The following MYO16 variants were observed in gnomAD, a reference collection of about 807,000 sequenced individuals.
MYO16 encodes myosin XVI.
MYO16 carries 94 observed loss-of-function variants against 205.3 expected under a neutral mutation model. The observed-to-expected ratio is 0.46, with a 90% CI of 0.39 to 0.54. MYO16 has a LOEUF of 0.54. Among genes scored for constraint, MYO16 ranks in the 20% least tolerant of loss-of-function variants. The pLI is 0.00. For synonymous variants in MYO16, 988 were observed against 954.0 expected (o/e 1.04, Z -0.66); for missense variants, 2,315 against 2,387.5 (o/e 0.97, Z 0.63).
chr13:108,632,294 C>A (rs1318152850), intron 1 of MYO16, among the ~76,000 whole-genome samples: 1 of 152,080 alleles, frequency 6.6e-6, no homozygotes, highest in Non-Finnish European at 1.5e-5. Context: ...ACATATCTGT[C>A]TTTCATTCTG....
chr13:108,996,379 G>A (rs1287881594), intron 21 of MYO16, among the ~76,000 whole-genome samples: 2 of 152,162 alleles, frequency 1.3e-5, no homozygotes, highest in Non-Finnish European at 2.9e-5. Flanking sequence ...ACAGCTGAAT[G>A]TGTGGGCATT....
At chr13:108,816,154 A>G (rs1482184122) in intron 7 of MYO16, among the ~76,000 whole-genome samples, 2 of 152,202 alleles carry the variant, frequency 1.3e-5, no homozygotes, top group Non-Finnish European at 1.5e-5. Flanking sequence ...CCACAAATAT[A>G]AAAGTTAAAA....
intron 29 of MYO16, among the ~76,000 whole-genome samples, chr13:109,120,930 G>T (rs1253494138): frequency 6.6e-6 from 1 of 152,060 alleles, no homozygotes; most frequent in Non-Finnish European, 1.5e-5. Context: ...CGCAACAATA[G>T]TCCCAGCTAC....
intron 34 of MYO16, among the ~76,000 whole-genome samples, chr13:109,198,245 A>G (rs1235267750): frequency 6.6e-6 from 1 of 152,218 alleles, no homozygotes; most frequent in African/African-American, 2.4e-5. Context: ...AAGTACAATT[A>G]CTTTAAAAAG....
intron 4 of MYO16, among the ~76,000 whole-genome samples, chr13:108,776,831 C>A (rs956823853): frequency 6.6e-6 from 1 of 152,160 alleles, no homozygotes; most frequent in African/African-American, 2.4e-5. Flanking sequence ...AGAGGGCAAG[C>A]AGTTTCTCCA....
intron 4 of MYO16, among the ~76,000 whole-genome samples, chr13:108,729,272 A>T (rs1177810344): frequency 1.3e-5 from 2 of 152,190 alleles, no homozygotes; most frequent in Admixed American, 1.3e-4. Flanking sequence ...TATAAAATAT[A>T]TTACAGAAAG....
In MYO16 at chr13:108,952,179, T is replaced by C. The variant is rs562695201; in HGVS notation, c.1926-5509T>C. On this transcript the variant is annotated intron_variant, in intron 16 of 34. Coordinates refer to ENST00000457511, the MANE Select transcript of MYO16 (RefSeq NM_001198950.3). ...TAAATAAAACGATATATAGTTGATATCAGTGTTATTAAAATTTCTATGGAA... is the reference window on the plus strand; with the variant it reads ...TAAATAAAACGATATATAGTTGATACCAGTGTTATTAAAATTTCTATGGAA... Among the ~76,000 whole-genome samples the C allele has an allele frequency of 9.2e-5, 14 of 152,034 alleles. No homozygotes were observed. The South Asian group carries it at 2.7e-3, about 29-fold the overall frequency.
chr13:108,863,771 A>G (rs1287305608), intron 11 of MYO16, among the ~76,000 whole-genome samples: 2 of 152,148 alleles, frequency 1.3e-5, no homozygotes, highest in Admixed American at 1.3e-4. Context: ...TATTTTGTAC[A>G]TCAATGTTGG....
At chr13:108,986,822 G>A (rs1200341086) in intron 20 of MYO16, among the ~76,000 whole-genome samples, 7 of 152,152 alleles carry the variant, frequency 4.6e-5, no homozygotes, top group Admixed American at 6.5e-5. Flanking sequence ...AATTAGACTC[G>A]GGTGTAAGAC....
the MYO16 span, among the ~76,000 whole-genome samples, chr13:108,520,834 C>T: frequency 1.2e-3 from 179 of 152,248 alleles, no homozygotes; most frequent in Middle Eastern, 3.4e-3. Flanking sequence ...AATGATAACT[C>T]GCAGTGGATG....
At chr13:108,733,490 A>G (rs988273388) in intron 4 of MYO16, among the ~76,000 whole-genome samples, 1 of 152,228 alleles carries the variant, frequency 6.6e-6, no homozygotes, top group Non-Finnish European at 1.5e-5. Context: ...CAGCATCAGA[A>G]CTTGGACCCC....
chr13:109,193,289 AGGTTCAGCATTTTCTGAGTGCATTTAT>A (rs1383861546), intron 34 of MYO16, among the ~76,000 whole-genome samples: 1 of 152,218 alleles, frequency 6.6e-6, no homozygotes, highest in Non-Finnish European at 1.5e-5. Context: ...ATATTTTAAT[AGGTTCAGCATTTTCTGAGTGCATTTAT>A]TAATGATACA....
intron 6 of MYO16, among the ~76,000 whole-genome samples, chr13:108,796,739 G>A (rs1447259330): frequency 7.5e-6 from 1 of 132,736 alleles, no homozygotes; most frequent in African/African-American, 2.8e-5. Context: ...GACACAGGAA[G>A]GGGAACATCA....
At chr13:108,840,445 C>T (rs993324418) in intron 9 of MYO16, among the ~76,000 whole-genome samples, 14 of 152,238 alleles carry the variant, frequency 9.2e-5, no homozygotes, top group African/African-American at 3.1e-4. Flanking sequence ...TTACTCTCTT[C>T]TTGCTATGTC....
chr13:108,942,552 T>G (rs1882775376), intron 16 of MYO16, among the ~76,000 whole-genome samples: 1 of 152,216 alleles, frequency 6.6e-6, no homozygotes, highest in Admixed American at 6.5e-5. Flanking sequence ...GAATTAATAA[T>G]TAAATGATCA....
At chr13:108,906,506 T>C (rs760408187) in intron 15 of MYO16, among the ~76,000 whole-genome samples, 57 of 152,222 alleles carry the variant, frequency 3.7e-4, no homozygotes, top group Non-Finnish European at 6.2e-4. Flanking sequence ...ATCATCTTTG[T>C]TACCATCATC....
chr13:109,157,497 C>T (rs575895828), intron 32 of MYO16, among the ~76,000 whole-genome samples: 1 of 152,190 alleles, frequency 6.6e-6, no homozygotes, highest in Non-Finnish European at 1.5e-5. Context: ...GCTTCTTCCT[C>T]CTGCCTACAC....
rs1006778254 is a variant in MYO16 at position 108,644,350 on chromosome 13, A to G, written c.28+14478A>G. 2.6e-4 allele frequency among the ~76,000 whole-genome samples: 36 copies of G among 138,702 alleles called. No individual in the cohort carries two copies. The South Asian group carries it at 8.2e-3, about 31-fold the overall frequency. The allele number at this position is 138,702 out of a possible 152,430, so 91.0% of individuals were successfully genotyped here. ...GGTTGGAGCATTTATTCTACCATCT[A>G]TCTGTCTGTCTGTCTATCTATCTAT... On this transcript the variant is annotated intron_variant, in intron 1 of 34. Transcript: ENST00000457511.
At chr13:108,517,230 G>C in the MYO16 span, among the ~76,000 whole-genome samples, 1 of 152,172 alleles carries the variant, frequency 6.6e-6, no homozygotes, top group African/African-American at 2.4e-5. Context: ...GCGCCTGGCT[G>C]CGTGTTGTGA....
Sources: gnomAD v4.1 joint callset for allele counts (sites outside exome capture counted in the v4.1 genomes callset) on GRCh38, gnomAD v4.1.1 for gene constraint, MANE v1.5 for transcripts, NCBI Gene and HGNC (gene_info 2026-07-23, HGNC 2026-07-21) for gene names.